Variants in NCKAP5 observed in about 807,000 individuals in gnomAD.
NCKAP5 encodes the protein nck-associated protein 5.
In NCKAP5, 92 loss-of-function variants were observed where a neutral mutation model predicts 167.0. That is an observed-to-expected ratio of 0.55 (90% CI 0.47 to 0.66). The LOEUF is 0.66. NCKAP5 is among the 30% of genes least tolerant of loss of function. The pLI, the probability that NCKAP5 is intolerant of heterozygous loss-of-function variation, is 0.00. For synonymous variants in NCKAP5, 891 were observed against 877.4 expected, an observed-to-expected ratio of 1.02 and a Z score of -0.27; for missense variants, 2,378 against 2,315.0, an observed-to-expected ratio of 1.03 and a Z score of -0.56.
At chr2:133,480,699 G>A (rs1680346464) in intron 3 of NCKAP5, among the ~76,000 whole-genome samples, 2 of 152,174 alleles carry the variant, frequency 1.3e-5, no homozygotes, top group South Asian at 2.1e-4. Flanking sequence ...ATGCACCTTT[G>A]CATGGGCTTC....
chr2:133,474,984 T>C (rs1679755385), intron 3 of NCKAP5, among the ~76,000 whole-genome samples: 1 of 152,120 alleles, frequency 6.6e-6, no homozygotes, highest in African/African-American at 2.4e-5. Context: ...CTAATTTTTG[T>C]ATTTTTGGTA....
chr2:133,591,618 C>A, the NCKAP5 span, among the ~76,000 whole-genome samples: 1 of 152,180 alleles, frequency 6.6e-6, no homozygotes, highest in South Asian at 2.1e-4. Flanking sequence ...ATGGAAAGCG[C>A]TTGGGCGGCA....
intron 16 of NCKAP5, among the ~76,000 whole-genome samples, chr2:132,764,813 C>A (rs553901033): frequency 6.6e-6 from 1 of 152,350 alleles, no homozygotes; most frequent in South Asian, 2.1e-4. Flanking sequence ...ACTTAAGCAG[C>A]CTTCCGCTCA....
rs149821399 is a variant in NCKAP5, at chr2:132,732,879, C to T, written c.5129-828G>A. 1.1e-3 allele frequency among the ~76,000 whole-genome samples: 172 copies of T among 152,274 alleles called. 1 individual carries two copies. Among genetic ancestry groups the T allele is most frequent in the African/African-American group, 3.9e-3 (162 of 41,556 alleles). The stretch of plus-strand genomic sequence containing the variant: ...CCAGAAGGGTCATCCCAAAGGGTAC[C>T]TTTCCCATCATAACACCACTTATCA... On this transcript the variant is annotated intron_variant, in intron 16 of 19. Coordinates refer to ENST00000409261, the MANE Select transcript of NCKAP5 (RefSeq NM_207363.3).
intron 11 of NCKAP5, among the ~76,000 whole-genome samples, chr2:132,845,846 C>T (rs1445296876): frequency 3.9e-5 from 6 of 152,160 alleles, no homozygotes. Flanking sequence ...ATTGAAAATG[C>T]ATTTAATTTT....
At chr2:133,317,162 C>T (rs754263179) in intron 3 of NCKAP5, among the ~76,000 whole-genome samples, 1 of 151,934 alleles carries the variant, frequency 6.6e-6, no homozygotes, top group Non-Finnish European at 1.5e-5. Context: ...AACATGAAAG[C>T]AAACCAAAAG....
intron 5 of NCKAP5, among the ~76,000 whole-genome samples, chr2:133,146,967 T>C (rs1382689222): frequency 1.3e-5 from 2 of 152,174 alleles, no homozygotes; most frequent in Non-Finnish European, 2.9e-5. Flanking sequence ...GCATTTACAA[T>C]TTTTATTAGT....
At chr2:132,929,474 T>C (rs765401504) in intron 8 of NCKAP5, among the ~76,000 whole-genome samples, 4 of 152,218 alleles carry the variant, frequency 2.6e-5, no homozygotes, top group African/African-American at 4.8e-5. Context: ...AAAAATATAC[T>C]GTTAAAATTG....
At chr2:132,900,288 G>T (rs1411519652) in intron 8 of NCKAP5, among the ~76,000 whole-genome samples, 1 of 152,208 alleles carries the variant, frequency 6.6e-6, no homozygotes, top group Non-Finnish European at 1.5e-5. Context: ...CAACAGACTT[G>T]CTCTATGCAG....
Position 133,440,477 on chromosome 2 carries a change from G to A in NCKAP5, c.69+76981C>T, listed in dbSNP as rs1325897027. ...TGTAATCCCAGCACTTTGGGAGGCC[G>A]AGGAGGGTGGATCACAGGGTCAGGA... On this transcript the variant is annotated intron_variant, in intron 3 of 19. Coordinates refer to ENST00000409261, the MANE Select transcript of NCKAP5 (RefSeq NM_207363.3). 4.6e-5 allele frequency among the ~76,000 whole-genome samples: 7 copies of A among 152,004 alleles called. No homozygotes were observed. The South Asian group carries it at 6.2e-4, about 13-fold the overall frequency.
Position 132,728,808 on chromosome 2 carries a change from C to T in NCKAP5, c.5580+8G>A, listed in dbSNP as rs755259357. On this transcript the variant is annotated splice_region_variant and intron_variant, in intron 18 of 19. Transcript: ENST00000409261. ...GGATTGCACCCTTCACCTCCCCCGA[C>T]CCCTCACCTGGGTCCCGGTGGCAGC... The T allele has an allele frequency of 6.2e-6, 10 of 1,613,638 alleles. No homozygotes were observed. The highest frequency in any genetic ancestry group is 8.5e-6 in the Non-Finnish European group (10 of 1,179,762).
chr2:133,318,410 C>T (rs1681768833), intron 3 of NCKAP5, among the ~76,000 whole-genome samples: 1 of 152,176 alleles, frequency 6.6e-6, no homozygotes, highest in Non-Finnish European at 1.5e-5. Context: ...AGAAGTTCCA[C>T]AGATATCTTG....
chr2:132,679,108 T>A (rs1684871846), intron 19 of NCKAP5, among the ~76,000 whole-genome samples: 1 of 152,142 alleles, frequency 6.6e-6, no homozygotes, highest in Non-Finnish European at 1.5e-5. Flanking sequence ...TCAGCTTTAC[T>A]AAGAGAAAGT....
intron 11 of NCKAP5, among the ~76,000 whole-genome samples, chr2:132,838,775 T>C (rs1688082661): frequency 6.6e-6 from 1 of 152,092 alleles, no homozygotes; most frequent in Non-Finnish European, 1.5e-5. Flanking sequence ...GGGAAGAGAG[T>C]AAGTACTTTT....
chr2:133,353,595 A>G (rs1424586236), intron 3 of NCKAP5, among the ~76,000 whole-genome samples: 2 of 152,196 alleles, frequency 1.3e-5, no homozygotes, highest in Non-Finnish European at 2.9e-5. Context: ...GTACCCAAAA[A>G]GTTGCCTTTT....
the NCKAP5 span, among the ~76,000 whole-genome samples, chr2:133,660,226 G>A: frequency 2.0e-5 from 3 of 152,244 alleles, no homozygotes; most frequent in Non-Finnish European, 4.4e-5. Flanking sequence ...TTAAAATGCT[G>A]CTCATTCTCT....
chr2:133,070,462 A>G (rs1021314602), intron 6 of NCKAP5, among the ~76,000 whole-genome samples: 7 of 152,216 alleles, frequency 4.6e-5, no homozygotes, highest in Admixed American at 1.3e-4. Context: ...GGGGGCATGC[A>G]GATGTTTCCT....
At chr2:133,129,102 T>TTTTTA (rs2082505534) in intron 6 of NCKAP5, among the ~76,000 whole-genome samples, 1 of 151,394 alleles carries the variant, frequency 6.6e-6, no homozygotes, top group Non-Finnish European at 1.5e-5. Context: ...CTTTTTTTTT[T>TTTTTA]TTATTATTAT....
At chr2:132,909,554 G>T (rs1694278570) in intron 8 of NCKAP5, among the ~76,000 whole-genome samples, 1 of 152,090 alleles carries the variant, frequency 6.6e-6, no homozygotes, top group African/African-American at 2.4e-5. Context: ...TATCGACAAT[G>T]GTTCTGAGAT....
Sources: gnomAD v4.1 joint callset for allele counts (sites outside exome capture counted in the v4.1 genomes callset) on GRCh38, gnomAD v4.1.1 for gene constraint, MANE v1.5 for transcripts, NCBI Gene and HGNC (gene_info 2026-07-23, HGNC 2026-07-21) for gene names.